Variants in FYB1 observed in about 807,000 individuals in gnomAD.
FYB1 encodes the protein FYN binding protein 1, also known as FYN-binding protein 1.
FYB1 carries 41 observed loss-of-function variants against 94.1 expected under a neutral mutation model. That is an observed-to-expected ratio of 0.44 (90% CI 0.34 to 0.57). The LOEUF (loss-of-function observed/expected upper bound fraction) is 0.57. FYB1 is among the 20% of genes least tolerant of loss of function. The pLI is 0.02. For synonymous variants in FYB1, 367 were observed against 353.2 expected (o/e 1.04, Z -0.44); for missense variants, 1,050 against 976.8 (o/e 1.07, Z -1.00).
intron 9 of FYB1, among the ~76,000 whole-genome samples, chr5:39,133,734 A>T (rs1019422503): frequency 6.6e-6 from 1 of 152,134 alleles, no homozygotes; most frequent in African/African-American, 2.4e-5. Flanking sequence ...TAGGGATCAT[A>T]AAAAAACGGA....
intron 5 of FYB1, chr5:39,138,965 A>C: frequency 1.8e-6 from 1 of 545,842 alleles, no homozygotes; most frequent in African/African-American, 1.9e-5. Flanking sequence ...GGAAAGCAAA[A>C]ACAAAATTTC....
At chr5:39,149,303 C>T (rs547117194) in intron 3 of FYB1, among the ~76,000 whole-genome samples, 2 of 152,252 alleles carry the variant, frequency 1.3e-5, no homozygotes, top group East Asian at 3.9e-4. Flanking sequence ...TAAAGTCCAC[C>T]CTGTCTTCTA....
intron 2 of FYB1, among the ~76,000 whole-genome samples, chr5:39,162,139 A>G (rs1396867897): frequency 6.6e-6 from 1 of 152,228 alleles, no homozygotes; most frequent in South Asian, 2.1e-4. Flanking sequence ...GAATGCTGCT[A>G]TGAACGTTAA....
At chr5:39,261,514 AG>A (rs1752216338) in intron 1 of FYB1, among the ~76,000 whole-genome samples, 1 of 152,142 alleles carries the variant, frequency 6.6e-6, no homozygotes, top group Non-Finnish European at 1.5e-5. Flanking sequence ...TGGGAGGCCA[AG>A]GCAGGTGGAT....
At chr5:39,165,045 C>G (rs1169377989) in intron 2 of FYB1, among the ~76,000 whole-genome samples, 2 of 152,198 alleles carry the variant, frequency 1.3e-5, no homozygotes, top group African/African-American at 4.8e-5. Flanking sequence ...ACTACATATA[C>G]AGACATGTGA....
intron 16 of FYB1, among the ~76,000 whole-genome samples, chr5:39,113,213 G>C (rs910736188): frequency 7.9e-5 from 12 of 151,868 alleles, no homozygotes; most frequent in African/African-American, 2.7e-4. Context: ...AAATCTCTTT[G>C]TTCATGTTAC....
chr5:39,159,906 C>T (rs1020330509), intron 2 of FYB1, among the ~76,000 whole-genome samples: 6 of 152,178 alleles, frequency 3.9e-5, no homozygotes, highest in African/African-American at 1.4e-4. Context: ...TAAACATGGT[C>T]TGATATCTTC....
chr5:39,189,228 G>A (rs1747137449), intron 2 of FYB1, among the ~76,000 whole-genome samples: 1 of 105,820 alleles, frequency 9.5e-6, no homozygotes, highest in Admixed American at 1.4e-4. Context: ...CGCCTTTTAT[G>A]GAATTCCTTT....
intron 11 of FYB1, 112 bp downstream of exon 11, chr5:39,127,629 G>A (rs1740818983): frequency 8.7e-7 from 1 of 1,151,350 alleles, no homozygotes; most frequent in Non-Finnish European, 1.2e-6. Context: ...AATCATTTGG[G>A]GTAATGTGAG....
At chr5:39,229,100 C>T (rs1750609736) in intron 1 of FYB1, among the ~76,000 whole-genome samples, 1 of 152,136 alleles carries the variant, frequency 6.6e-6, no homozygotes, top group Admixed American at 6.6e-5. Context: ...TGTCCTCCTG[C>T]CTTCTTGGCC....
intron 1 of FYB1, among the ~76,000 whole-genome samples, chr5:39,264,164 T>A (rs527623960): frequency 2.6e-5 from 4 of 152,286 alleles, no homozygotes; most frequent in African/African-American, 9.6e-5. Flanking sequence ...TTGCCATTAT[T>A]TTCAATTTCA....
intron 3 of FYB1, among the ~76,000 whole-genome samples, chr5:39,148,925 T>C (rs1041622204): frequency 1.3e-5 from 2 of 152,270 alleles, no homozygotes; most frequent in East Asian, 3.9e-4. Context: ...TGTTTCAATA[T>C]GAAAAATTAT....
intron 2 of FYB1, among the ~76,000 whole-genome samples, chr5:39,178,539 G>T (rs1745933199): frequency 6.6e-6 from 1 of 152,162 alleles, no homozygotes; most frequent in Admixed American, 6.5e-5. Flanking sequence ...TAATCTCTGA[G>T]CCTCTGAATC....
intron 16 of FYB1, among the ~76,000 whole-genome samples, chr5:39,111,335 G>C (rs970240304): frequency 1.3e-5 from 2 of 151,806 alleles, no homozygotes; most frequent in African/African-American, 4.8e-5. Context: ...CAATCTATTG[G>C]TTTTGGTCCA....
chr5:39,252,456 G>A (rs1315464513), intron 1 of FYB1, among the ~76,000 whole-genome samples: 1 of 152,056 alleles, frequency 6.6e-6, no homozygotes, highest in Non-Finnish European at 1.5e-5. Context: ...ATATATTTTT[G>A]ATCACACACA....
intron 2 of FYB1, among the ~76,000 whole-genome samples, chr5:39,166,437 TAAAA>T (rs61298144): frequency 1.4e-5 from 2 of 139,050 alleles, no homozygotes. Flanking sequence ...CTCCGTCTCA[TAAAA>T]AAAAAAAAAA....
At chr5:39,256,887 C>T (rs80112922) in intron 1 of FYB1, among the ~76,000 whole-genome samples, 3 of 152,134 alleles carry the variant, frequency 2.0e-5, no homozygotes, top group Admixed American at 2.0e-4. Flanking sequence ...ACTTTTATTT[C>T]AAAGTTGCAA....
At chr5:39,263,311 C>T (rs1752301784) in intron 1 of FYB1, among the ~76,000 whole-genome samples, 2 of 152,062 alleles carry the variant, frequency 1.3e-5, no homozygotes, top group African/African-American at 4.8e-5. Flanking sequence ...TATATGAGTG[C>T]AAGATATCAG....
intron 2 of FYB1, among the ~76,000 whole-genome samples, chr5:39,160,917 G>T (rs1362273160): frequency 6.6e-6 from 1 of 152,120 alleles, no homozygotes; most frequent in Non-Finnish European, 1.5e-5. Flanking sequence ...TTTCTAAACT[G>T]CCACCTGTGC....
Sources: allele counts gnomAD v4.1 joint callset (sites outside exome capture counted in the v4.1 genomes callset), GRCh38; gene constraint gnomAD v4.1.1; transcripts MANE v1.5; gene names NCBI Gene and HGNC (gene_info 2026-07-23, HGNC 2026-07-21).